TCERG1: variants seen among roughly 807,000 people sequenced by gnomAD.
TCERG1 encodes the protein TATA box binding protein (TBP)-associated factor, RNA polymerase II, S, 150kD.
A neutral mutation model predicts 144.7 loss-of-function variants in TCERG1; 37 were observed. The ratio of observed to expected loss-of-function variants is 0.26; its 90% confidence interval spans 0.20 to 0.34. The LOEUF is 0.34. Among genes scored for constraint, TCERG1 ranks in the 10% least tolerant of loss-of-function variants. The pLI is 1.00. For missense variants in TCERG1, 1,027 were observed against 1,380.7 expected, an observed-to-expected ratio of 0.74 and a Z score of 4.06; for synonymous variants, 492 against 458.2, an observed-to-expected ratio of 1.07 and a Z score of -0.94.
chr5:146,502,561 T>C (rs1036747596), intron 17 of TCERG1, among the ~76,000 whole-genome samples: 1 of 152,228 alleles, frequency 6.6e-6, no homozygotes, highest in Non-Finnish European at 1.5e-5. Flanking sequence ...TTTTAAGTAG[T>C]TGTATATGTT....
chr5:146,502,044 G>C (rs541405384), intron 17 of TCERG1, among the ~76,000 whole-genome samples: 2 of 151,904 alleles, frequency 1.3e-5, no homozygotes, highest in African/African-American at 4.8e-5. Context: ...ACAGGCACCT[G>C]CCACCACACC....
Position 146,492,965 on chromosome 5 carries a change from G to A in TCERG1, c.2209G>A (p.Glu737Lys). The A allele has an allele frequency of 6.2e-7, 1 of 1,605,464 alleles. No individual in the cohort carries two copies. Among genetic ancestry groups the A allele is most frequent in the Non-Finnish European group, 8.5e-7 (1 of 1,176,862 alleles). ...GACCAGGGCAGAGGAAGAACGCAGG[G>A]AAAAGAAAAATAAAATAATGCAAGC... is the stretch of plus-strand genomic sequence containing the variant. ...VKTRAEEERR[E>K]KKNKIMQAKE... Residue 737 changes from glutamate (E) to lysine (K), a missense_variant, in exon 16 of 23, where the codon GAA becomes AAA. By Grantham distance (56) the Glu-to-Lys change is moderately conservative (BLOSUM62 1). This residue lies in a region of TCERG1 where 482 missense variants were observed against 632.6 expected (regional missense o/e 0.76). Transcript: ENST00000679501.
rs147537317 is a variant in TCERG1 at position 146,488,858 on chromosome 5, T to C, written c.2164-4062T>C. 3.4e-3 allele frequency among the ~76,000 whole-genome samples: 521 copies of C among 152,078 alleles called. 10 individuals carry two copies. Among genetic ancestry groups the C allele is most frequent in the African/African-American group, 0.012 (490 of 41,498 alleles). On this transcript the variant is annotated intron_variant, in intron 15 of 22. Transcript: ENST00000679501. ...ACAACAGATGACTGGATAAAGAAAA[T>C]GTGGTTAGCCATAAAAAAGAATGAA...
chr5:146,458,944 G>T lies in TCERG1; in HGVS notation c.499G>T (p.Val167Phe). Residue 167 changes from valine to phenylalanine, a missense_variant, in exon 4 of 23, where the codon GTT becomes TTT. Coordinates refer to ENST00000679501, the MANE Select transcript of TCERG1 (RefSeq NM_001382548.1). The part of the protein sequence containing the change: ...SAWTKPDGVK[V>F]IQQSELTPML... ...ATGGACCAAGCCAGATGGAGTTAAG[G>T]TTATTCAGCAATCAGAACTGACACC... The T allele has an allele frequency of 6.2e-7, 1 of 1,614,238 alleles. No individual in the cohort carries two copies. The highest frequency in any genetic ancestry group is 8.5e-7 in the Non-Finnish European group (1 of 1,180,038).
At position 146,447,339 on chromosome 5, in the gene TCERG1, GGCCCTCTGTAATGGC is replaced by G; in HGVS notation, c.-9_6del. 6.2e-7 allele frequency: 1 copy of G among 1,611,532 alleles called. No homozygotes were observed. The highest frequency in any genetic ancestry group is 8.5e-7 in the Non-Finnish European group (1 of 1,178,996). On this transcript the variant is annotated start_lost and 5_prime_UTR_variant, in exon 1 of 23. Transcript: ENST00000679501. Reference sequence around the variant, plus strand: ...GTCGGGTCGGCGGGTGGATGAACGCGGCCCTCTGTAATGGCGGAGCGTGGCGGGGACGGGGGCGAG... The same window carrying G: ...GTCGGGTCGGCGGGTGGATGAACGCGGGAGCGTGGCGGGGACGGGGGCGAG...
chr5:146,484,573 C>T (rs566948042), intron 15 of TCERG1, among the ~76,000 whole-genome samples: 1 of 146,828 alleles, frequency 6.8e-6, no homozygotes, highest in East Asian at 4.0e-4. Context: ...TTACAATGTG[C>T]CAGATATGTA....
intron 21 of TCERG1, among the ~76,000 whole-genome samples, chr5:146,508,336 A>G (rs2241697): frequency 0.58 from 88,047 of 152,026 alleles, 26,478 homozygotes; most frequent in Non-Finnish European, 0.65. Flanking sequence ...GCTAGTTCTC[A>G]TATGCTTCAA....
chr5:146,470,570 T>A (rs1764197594), intron 7 of TCERG1, 66 bp from the exon 8 acceptor site: 1 of 1,322,158 alleles, frequency 7.6e-7, no homozygotes, highest in Admixed American at 2.3e-5. Flanking sequence ...AATGGCTTAT[T>A]CTCTGAAAGT....
intron 1 of TCERG1, among the ~76,000 whole-genome samples, chr5:146,449,242 A>T (rs767095430): frequency 2.6e-5 from 4 of 152,228 alleles, no homozygotes; most frequent in African/African-American, 7.2e-5. Context: ...TTGTAAATAA[A>T]TGAAGATAGG....
intron 15 of TCERG1, 45 bp from the exon 16 acceptor site, chr5:146,492,875 C>T: frequency 7.3e-7 from 1 of 1,364,486 alleles, no homozygotes; most frequent in Non-Finnish European, 1.0e-6. Flanking sequence ...GTTAAATTAC[C>T]TATATGAAAG....
intron 5 of TCERG1, among the ~76,000 whole-genome samples, chr5:146,465,350 TTTGAACAA>T (rs1763683872): frequency 1.3e-5 from 2 of 152,336 alleles, no homozygotes; most frequent in Admixed American, 1.3e-4. Flanking sequence ...AAGGCTGTCA[TTTGAACAA>T]CTTTTGCTTT....
In TCERG1 at chr5:146,478,499, C is replaced by T. The variant is rs754232590; in HGVS notation, c.1608C>T (p.Val536=). ...TAPIPGTPWC[V]VWTGDERVFF... is the part of the protein sequence containing the mutation. ...ATTTTGCATCAATTCTTAGGTGTGTCGTTTGGACTGGTGATGAGCGGGTCT... is the reference window on the plus strand; with the variant it reads ...ATTTTGCATCAATTCTTAGGTGTGTTGTTTGGACTGGTGATGAGCGGGTCT... The change falls in exon 10 of 23, where the codon GTC becomes GTT. Residue 536 remains valine, a synonymous_variant. Coordinates refer to ENST00000679501, the MANE Select transcript of TCERG1 (RefSeq NM_001382548.1). 8.2e-6 allele frequency: 13 copies of T among 1,588,036 alleles called. No homozygotes were observed. The highest frequency in any genetic ancestry group is 6.8e-5 in the East Asian group (3 of 44,432).
At chr5:146,506,289 C>T (rs1221980674) in intron 19 of TCERG1, among the ~76,000 whole-genome samples, 3 of 152,162 alleles carry the variant, frequency 2.0e-5, no homozygotes, top group African/African-American at 7.2e-5. Context: ...ACTTTTAATG[C>T]CATTATCACC....
chr5:146,507,923 T>A lies in TCERG1; in HGVS notation c.3012T>A (p.Asp1004Glu), dbSNP rs745554526. The A allele has an allele frequency of 5.6e-6, 9 of 1,611,764 alleles. No individual in the cohort carries two copies. The highest frequency in any genetic ancestry group is 1.1e-5 in the South Asian group (1 of 90,432). The change falls in exon 21 of 23, where the codon GAT (aspartate) becomes GAA (glutamate). Residue 1004 changes from aspartate to glutamate, a missense_variant. Asp to Glu is a conservative substitution (Grantham distance 45). This residue lies in a region of TCERG1 where 133 missense variants were observed against 283.2 expected (regional missense o/e 0.47). Coordinates refer to ENST00000679501, the MANE Select transcript of TCERG1 (RefSeq NM_001382548.1). This position sits in a 1 kb window ranked among gnomAD's most constrained non-coding sequence, Gnocchi z 4.6. ...WKEVKKIIKEDPRCIKFSSSD... is the reference protein window; with the variant it reads ...WKEVKKIIKEEPRCIKFSSSD... ...AAGTAAAAAAAATCATTAAGGAAGATCCTCGATGTATTAAGTTCTCCTCCA... is the reference window on the plus strand; with the variant it reads ...AAGTAAAAAAAATCATTAAGGAAGAACCTCGATGTATTAAGTTCTCCTCCA...
intron 4 of TCERG1, among the ~76,000 whole-genome samples, chr5:146,463,328 T>C (rs896072252): frequency 1.3e-5 from 2 of 152,218 alleles, no homozygotes; most frequent in African/African-American, 4.8e-5. Context: ...CTTTGGGTCT[T>C]GATTTTTACT....
chr5:146,495,965 C>T (rs1254753869), intron 16 of TCERG1, among the ~76,000 whole-genome samples: 1 of 152,022 alleles, frequency 6.6e-6, no homozygotes, highest in East Asian at 1.9e-4. Context: ...CCAGCCTGGC[C>T]AGTATGGTGA....
chr5:146,487,746 A>T (rs1765985602), intron 15 of TCERG1, among the ~76,000 whole-genome samples: 1 of 151,928 alleles, frequency 6.6e-6, no homozygotes, highest in East Asian at 1.9e-4. Flanking sequence ...AAAAAAAAAA[A>T]AAATCCTAAA....
rs1267998573 is a variant in TCERG1, at chr5:146,498,592, T to C, written c.2339T>C (p.Ile780Thr). Residue 780 changes from isoleucine (I) to threonine (T), a missense_variant, in exon 17 of 23, where the codon ATT (isoleucine) becomes ACT (threonine). This residue lies in a region of TCERG1 where 482 missense variants were observed against 632.6 expected (regional missense o/e 0.76). Transcript: ENST00000679501. ...KHAKDSRFKA[I>T]EKMKDREALF... is the part of the protein sequence containing the mutation. ...GCTAAAGATTCAAGATTCAAAGCAA[T>C]TGAAAAGATGAAAGACCGAGAAGCC... is the stretch of plus-strand genomic sequence containing the variant. The C allele has an allele frequency of 2.5e-6, 4 of 1,610,090 alleles. No individual in the cohort carries two copies. Among genetic ancestry groups the C allele is most frequent in the Non-Finnish European group, 8.5e-7 (1 of 1,178,222 alleles).
At chr5:146,485,300 T>G (rs552025751) in intron 15 of TCERG1, among the ~76,000 whole-genome samples, 2 of 152,328 alleles carry the variant, frequency 1.3e-5, no homozygotes, top group South Asian at 2.1e-4. Flanking sequence ...CTCTTTGCCT[T>G]TTCTAATTTC....
Sources: gnomAD v4.1 joint callset for allele counts (sites outside exome capture counted in the v4.1 genomes callset) on GRCh38, gnomAD v4.1.1 for gene constraint, gnomAD v4.1.1 regional missense constraint, Gnocchi (gnomAD v3.1) non-coding constraint, MANE v1.5 for transcripts, NCBI Gene and HGNC (gene_info 2026-07-23, HGNC 2026-07-21) for gene names.